Variants in CD276 observed in about 807,000 individuals in gnomAD.
CD276 encodes CD276 antigen.
CD276 carries 34 observed loss-of-function variants against 50.0 expected under a neutral mutation model. The observed-to-expected ratio is 0.68, with a 90% CI of 0.52 to 0.91. CD276 has a LOEUF of 0.91. CD276 is among the 40% of genes least tolerant of loss of function. CD276 has a pLI of 0.00. For synonymous variants in CD276, 275 were observed against 313.0 expected (o/e 0.88, Z 1.28); for missense variants, 634 against 717.5 (o/e 0.88, Z 1.33).
intron 1 of CD276, among the ~76,000 whole-genome samples, chr15:73,691,175 A>C (rs1416621340): frequency 2.0e-5 from 3 of 151,564 alleles, no homozygotes; most frequent in African/African-American, 4.8e-5. Flanking sequence ...TAGCAGACAT[A>C]TTTGAGGAGT....
chr15:73,708,329 T>G lies in CD276; in HGVS notation c.1370-10T>G. On this transcript the variant is annotated splice_polypyrimidine_tract_variant and intron_variant, in intron 6 of 9. Coordinates refer to ENST00000318443, the MANE Select transcript of CD276 (RefSeq NM_001024736.2). ...CATGACAGTCTCACTGTTGCTACTT[T>G]TCCTCTCAGGGCAGCCTATGACATT... The G allele has an allele frequency of 6.2e-7, 1 of 1,613,460 alleles. No individual in the cohort carries two copies. Among genetic ancestry groups the G allele is most frequent in the Non-Finnish European group, 8.5e-7 (1 of 1,179,768 alleles).
rs772909584 is a variant in CD276 at position 73,708,343 on chromosome 15, G to A, written c.1374G>A (p.Gln458=). Residue 458 remains glutamine, a synonymous_variant, in exon 7 of 10, where the codon CAG becomes CAA. Coordinates refer to ENST00000318443, the MANE Select transcript of CD276 (RefSeq NM_001024736.2). The stretch of plus-strand genomic sequence containing the variant: ...TGTTGCTACTTTTCCTCTCAGGGCA[G>A]CCTATGACATTCCCCCCAGAGGCCC... The part of the protein sequence containing the change: ...DAHGSVTITG[Q]PMTFPPEALW... 5 of 1,614,106 alleles carry A rather than the reference G, an allele frequency of 3.1e-6. No individual in the cohort carries two copies. The South Asian group carries it at 5.5e-5, about 18-fold the overall frequency.
intron 9 of CD276, chr15:73,711,801 T>C (rs1226244765): frequency 6.6e-6 from 1 of 152,654 alleles, no homozygotes; most frequent in Non-Finnish European, 1.5e-5. Context: ...AGATAGGTCA[T>C]TTCCTTCCTG....
At position 73,711,183 on chromosome 15, in the gene CD276, G is replaced by T; in HGVS notation, c.1582+13G>T. On this transcript the variant is annotated intron_variant, in intron 9 of 9. Transcript: ENST00000318443. Reference sequence around the variant, plus strand: ...GACAGCAAAGAAGGTAAAGACACCTGGGCTTGAGGTTGTGTCTGTGTATGC... The same window carrying T: ...GACAGCAAAGAAGGTAAAGACACCTTGGCTTGAGGTTGTGTCTGTGTATGC... 1.2e-6 allele frequency: 2 copies of T among 1,613,538 alleles called. No individual in the cohort carries two copies. The highest frequency in any genetic ancestry group is 1.7e-6 in the Non-Finnish European group (2 of 1,179,842).
At position 73,702,401 on chromosome 15, in the gene CD276, G is replaced by C. The variant is rs1320173563; in HGVS notation, c.226G>C (p.Val76Leu). The C allele has an allele frequency of 2.5e-6, 4 of 1,613,774 alleles. No homozygotes were observed. The highest frequency in any genetic ancestry group is 1.1e-5 in the South Asian group (1 of 91,082). The change falls in exon 3 of 10, where the codon GTG (valine) becomes CTG (leucine). Residue 76 changes from valine (V) to leucine (L), a missense_variant. By Grantham distance (32) the Val-to-Leu change is conservative (BLOSUM62 1). Transcript: ENST00000318443. ...IWQLTDTKQL[V>L]HSFAEGQDQG... ...GCAGCTGACAGATACCAAACAGCTG[G>C]TGCACAGCTTTGCTGAGGGCCAGGA... is the stretch of plus-strand genomic sequence containing the variant.
At chr15:73,711,252 C>A in intron 9 of CD276, 82 bp downstream of exon 9, 1 of 1,464,450 alleles carries the variant, frequency 6.8e-7, no homozygotes, top group Non-Finnish European at 9.5e-7. Context: ...TAGGCATCAT[C>A]CTTTCACTAG....
At chr15:73,710,068 T>C (rs1174427002) in intron 8 of CD276, among the ~76,000 whole-genome samples, 1 of 152,238 alleles carries the variant, frequency 6.6e-6, no homozygotes, top group Admixed American at 6.5e-5. Flanking sequence ...TTGAGCAAGA[T>C]GCTTTGCCTC....
At position 73,713,828 on chromosome 15, in the gene CD276, A is replaced by G. The variant is rs774286872; in HGVS notation, c.*872A>G. On this transcript the variant is annotated 3_prime_UTR_variant, in exon 10 of 10. Transcript: ENST00000318443. ...CTCACCTCTTTGTTCCTTTCTTTTC[A>G]TGTATCCATTCAGTTGATGTTTATT... 12 of 444,670 alleles carry G rather than the reference A, an allele frequency of 2.7e-5. No homozygotes were observed. In the Middle Eastern group the frequency reaches 1.3e-3, roughly 48 times the overall value. The allele number at this position is 444,670 out of a possible 1,614,324, so 27.5% of individuals were successfully genotyped here.
chr15:73,689,834 G>A (rs1464955617), intron 1 of CD276, among the ~76,000 whole-genome samples: 1 of 152,296 alleles, frequency 6.6e-6, no homozygotes, highest in East Asian at 1.9e-4. Flanking sequence ...CACAGCATGG[G>A]ATGGTGGTCA....
At chr15:73,689,618 T>G (rs907467344) in intron 1 of CD276, among the ~76,000 whole-genome samples, 1 of 152,204 alleles carries the variant, frequency 6.6e-6, no homozygotes, top group South Asian at 2.1e-4. Flanking sequence ...ATAATCATCC[T>G]ATGAGGGTAA....
Position 73,703,805 on chromosome 15 carries a change from G to C in CD276, c.880G>C (p.Val294Leu), listed in dbSNP as rs756693911. ...IWQLTDTKQL[V>L]HSFTEGRDQG... ...GCAGCTGACAGACACCAAACAGCTG[G>C]TGCACAGTTTCACCGAAGGCCGGGA... Residue 294 changes from valine to leucine, a missense_variant, in exon 5 of 10, where the codon GTG becomes CTG. Val to Leu is a conservative substitution (Grantham distance 32, BLOSUM62 1). Transcript: ENST00000318443. 4 of 1,613,582 alleles carry C rather than the reference G, an allele frequency of 2.5e-6. No homozygotes were observed. Among genetic ancestry groups the C allele is most frequent in the Non-Finnish European group, 3.4e-6 (4 of 1,180,028 alleles).
At chr15:73,694,656 A>G (rs1900110563) in intron 1 of CD276, among the ~76,000 whole-genome samples, 1 of 151,910 alleles carries the variant, frequency 6.6e-6, no homozygotes, top group Non-Finnish European at 1.5e-5. Flanking sequence ...CACACACCAC[A>G]TCTATGTTCC....
intron 6 of CD276, among the ~76,000 whole-genome samples, chr15:73,706,972 T>C (rs1900674280): frequency 6.6e-6 from 1 of 151,892 alleles, no homozygotes; most frequent in African/African-American, 2.4e-5. Flanking sequence ...TGTTTTTTAA[T>C]GTGTGCTCTG....
intron 1 of CD276, chr15:73,690,615 T>C (rs565451910): frequency 8.7e-5 from 39 of 449,668 alleles, no homozygotes; most frequent in Middle Eastern, 3.3e-4. Context: ...ACTTACGCTT[T>C]TATCAGGAGC....
intron 1 of CD276, among the ~76,000 whole-genome samples, chr15:73,694,580 C>G (rs1283200542): frequency 1.3e-5 from 2 of 152,146 alleles, no homozygotes; most frequent in Non-Finnish European, 2.9e-5. Flanking sequence ...TACTACAGTC[C>G]CTCAGGGTTC....
chr15:73,708,763 A>G, intron 7 of CD276: 1 of 442,678 alleles, frequency 2.3e-6, no homozygotes, highest in Non-Finnish European at 4.2e-6. Flanking sequence ...GTGTGCCAAC[A>G]AGTGTGCCTG....
intron 1 of CD276, among the ~76,000 whole-genome samples, chr15:73,694,259 C>T (rs991271317): frequency 6.6e-6 from 1 of 152,168 alleles, no homozygotes; most frequent in Non-Finnish European, 1.5e-5. Flanking sequence ...ACAAACAGTC[C>T]CCAAGCCTGG....
chr15:73,712,959 A>G lies in CD276; in HGVS notation c.*3A>G, dbSNP rs1900969584. On this transcript the variant is annotated 3_prime_UTR_variant, in exon 10 of 10. Transcript: ENST00000318443. ...ATGATGGACAAGAAATAGCCTGACC[A>G]TGAGGACCAGGGAGCTGCTACCCCT... is the stretch of plus-strand genomic sequence containing the variant. 1.2e-6 allele frequency: 2 copies of G among 1,613,782 alleles called. No individual in the cohort carries two copies. Among genetic ancestry groups the G allele is most frequent in the Non-Finnish European group, 1.7e-6 (2 of 1,179,796 alleles).
intron 1 of CD276, among the ~76,000 whole-genome samples, chr15:73,698,323 T>C (rs1042991284): frequency 6.6e-6 from 1 of 152,234 alleles, no homozygotes; most frequent in African/African-American, 2.4e-5. Flanking sequence ...TCCTAGAAGC[T>C]TCTTTGCAAA....
Sources: allele counts gnomAD v4.1 joint callset (sites outside exome capture counted in the v4.1 genomes callset), GRCh38; gene constraint gnomAD v4.1.1; transcripts MANE v1.5; gene names NCBI Gene and HGNC (gene_info 2026-07-23, HGNC 2026-07-21).